Variants in SLC13A1 observed in about 807,000 individuals in gnomAD.
SLC13A1 encodes the protein solute carrier family 13 member 1.
In SLC13A1, 65 loss-of-function variants were observed where a neutral mutation model predicts 70.0. The observed-to-expected ratio is 0.93, with a 90% confidence interval of 0.76 to 1.14. The LOEUF is 1.14. Ranked by LOEUF, SLC13A1 falls within the 50% of genes most tolerant of loss-of-function variation. SLC13A1 has a pLI of 0.00. For missense variants in SLC13A1, 726 were observed against 717.8 expected (o/e 1.01, Z -0.13); for synonymous variants, 275 against 250.5 (o/e 1.10, Z -0.92).
intron 1 of SLC13A1, among the ~76,000 whole-genome samples, chr7:123,198,296 GGGGTGGGAGTGGCA>G (rs142386601): frequency 0.1 from 15,635 of 151,700 alleles, 1,070 homozygotes; most frequent in Non-Finnish European, 0.15. Flanking sequence ...ACAAGGAGCC[GGGGTGGGAGTGGCA>G]GGGTGGGAGG....
intron 8 of SLC13A1, among the ~76,000 whole-genome samples, chr7:123,130,908 T>C (rs1052131496): frequency 6.6e-6 from 1 of 152,130 alleles, no homozygotes; most frequent in Non-Finnish European, 1.5e-5. Context: ...AAGTCCAGTG[T>C]CTTCGAAACT....
chr7:123,171,557 T>C (rs1226374388), intron 3 of SLC13A1, among the ~76,000 whole-genome samples: 2 of 152,224 alleles, frequency 1.3e-5, no homozygotes, highest in Non-Finnish European at 2.9e-5. Flanking sequence ...CCAAGCACCC[T>C]GTAATCAGAC....
At chr7:123,119,340 A>G in intron 12 of SLC13A1, 98 bp from the exon 13 acceptor site, 1 of 872,522 alleles carries the variant, frequency 1.1e-6, no homozygotes, top group Non-Finnish European at 1.7e-6. Context: ...TTGAAAACTC[A>G]CTTTCTAAAA....
chr7:123,174,469 A>G (rs80257977), intron 2 of SLC13A1, among the ~76,000 whole-genome samples: 1,925 of 152,220 alleles, frequency 0.013, 46 homozygotes, highest in African/African-American at 0.044. Flanking sequence ...CACTTCCAAT[A>G]TAAGTCCTAT....
chr7:123,123,517 TTCAC>T (rs1235683056), intron 11 of SLC13A1, among the ~76,000 whole-genome samples: 2 of 152,202 alleles, frequency 1.3e-5, no homozygotes, highest in East Asian at 3.9e-4. Context: ...TACTCATTCA[TTCAC>T]TCACTCATTC....
chr7:123,188,474 T>G (rs934282363), intron 1 of SLC13A1, among the ~76,000 whole-genome samples: 37 of 152,342 alleles, frequency 2.4e-4, no homozygotes, highest in African/African-American at 8.4e-4. Context: ...TTTGACAGTC[T>G]GATGGTATGA....
rs80288226 is a variant in SLC13A1 at position 123,170,007 on chromosome 7, T to C, written c.366-672A>G. Among the ~76,000 whole-genome samples the C allele has an allele frequency of 4.9e-4, 75 of 152,152 alleles. 1 individual carries two copies. In the East Asian group the frequency reaches 0.011, roughly 23 times the overall value. ...CTGGACACACTACATTGTCTTCTTT[T>C]ATAAATAGAGTAGTTATTAGTTATT... On this transcript the variant is annotated intron_variant, in intron 3 of 14. Transcript: ENST00000194130.
chr7:123,183,532 C>T (rs956693782), intron 1 of SLC13A1, among the ~76,000 whole-genome samples: 6 of 152,140 alleles, frequency 3.9e-5, no homozygotes, highest in African/African-American at 1.4e-4. Context: ...TTTGCTCCGC[C>T]TTTCAAATAT....
intron 1 of SLC13A1, among the ~76,000 whole-genome samples, chr7:123,183,497 T>C (rs1260213303): frequency 6.6e-6 from 1 of 152,150 alleles, no homozygotes; most frequent in Non-Finnish European, 1.5e-5. Context: ...TTTAGTAAAA[T>C]ATCTGGTAGG....
At chr7:123,128,776 A>G (rs1222918804) in intron 10 of SLC13A1, 69 bp downstream of exon 10, 9 of 937,670 alleles carry the variant, frequency 9.6e-6, no homozygotes, top group East Asian at 5.1e-5. Flanking sequence ...TCAGAATTAC[A>G]GGAACCACAC....
chr7:123,154,809 T>C (rs1290401722), intron 6 of SLC13A1, among the ~76,000 whole-genome samples: 1 of 152,100 alleles, frequency 6.6e-6, no homozygotes, highest in Non-Finnish European at 1.5e-5. Context: ...GACATCTCTT[T>C]CAGGGCCTCC....
intron 12 of SLC13A1, among the ~76,000 whole-genome samples, chr7:123,120,228 C>T (rs1322520505): frequency 6.6e-6 from 1 of 152,042 alleles, no homozygotes; most frequent in African/African-American, 2.4e-5. Flanking sequence ...TTTTAATCTA[C>T]TCTTTTGCAT....
At chr7:123,169,409 G>A (rs1337451831) in intron 3 of SLC13A1, 74 bp from the exon 4 acceptor site, 3 of 1,343,120 alleles carry the variant, frequency 2.2e-6, no homozygotes, top group African/African-American at 1.4e-5. Context: ...ACTGGAAGAT[G>A]TTTAAGATGT....
intron 4 of SLC13A1, 50 bp downstream of exon 4, chr7:123,169,098 C>T (rs1795167903): frequency 1.9e-6 from 3 of 1,539,072 alleles, no homozygotes; most frequent in Non-Finnish European, 2.7e-6. Flanking sequence ...GAGTTTATGT[C>T]TATTGCTCTA....
rs768475655 is a variant in SLC13A1, at chr7:123,117,497, A to C, written c.1624T>G (p.Tyr542Asp). The change falls in exon 14 of 15, where the codon TAT (tyrosine) becomes GAT (aspartate). Residue 542 changes from tyrosine to aspartate, a missense_variant. Physicochemically the swap from Tyr to Asp is radical, Grantham distance 160 (BLOSUM62 -3). Transcript: ENST00000194130. ...ATGTCAATGACTTTCAGATGACCAT[A>C]TGAAAAGACAATAGCATTGGGTGGA... Reference protein sequence around the residue: ...ANPPNAIVFSYGHLKVIDMVK... With the variant: ...ANPPNAIVFSDGHLKVIDMVK... The C allele has an allele frequency of 6.2e-7, 1 of 1,613,454 alleles. No individual in the cohort carries two copies. The highest frequency in any genetic ancestry group is 8.5e-7 in the Non-Finnish European group (1 of 1,179,542).
At chr7:123,184,061 A>G (rs1460733655) in intron 1 of SLC13A1, among the ~76,000 whole-genome samples, 1 of 152,076 alleles carries the variant, frequency 6.6e-6, no homozygotes, top group Non-Finnish European at 1.5e-5. Context: ...CCCTTTTTTC[A>G]CATCTGAAGA....
intron 6 of SLC13A1, among the ~76,000 whole-genome samples, chr7:123,155,897 T>C (rs1053292402): frequency 6.6e-6 from 1 of 152,082 alleles, no homozygotes; most frequent in Admixed American, 6.6e-5. Flanking sequence ...ACCCCTGTTT[T>C]CCTTGTGACA....
At chr7:123,154,090 G>C (rs1303794848) in intron 6 of SLC13A1, among the ~76,000 whole-genome samples, 1 of 152,052 alleles carries the variant, frequency 6.6e-6, no homozygotes, top group Non-Finnish European at 1.5e-5. Flanking sequence ...TGCAAAATGA[G>C]TCTCAAGTGT....
At chr7:123,116,141 T>C (rs1793174214) in intron 14 of SLC13A1, among the ~76,000 whole-genome samples, 2 of 152,212 alleles carry the variant, frequency 1.3e-5, no homozygotes, top group South Asian at 4.1e-4. Context: ...ACGTAATTGT[T>C]AATTTAACCT....
Sources: gnomAD v4.1 joint callset for allele counts (sites outside exome capture counted in the v4.1 genomes callset) on GRCh38, gnomAD v4.1.1 for gene constraint, MANE v1.5 for transcripts, NCBI Gene and HGNC (gene_info 2026-07-23, HGNC 2026-07-21) for gene names.